Variants in GASK1A observed in about 807,000 individuals in gnomAD.
GASK1A encodes the protein golgi associated kinase 1A.
In GASK1A, 40 loss-of-function variants were observed where a neutral mutation model predicts 41.2. The observed-to-expected ratio is 0.97, with a 90% confidence interval of 0.75 to 1.27. GASK1A has a LOEUF of 1.27. GASK1A is among the 50% of genes most tolerant of loss of function. The probability of loss-of-function intolerance (pLI) is 0.00; values close to 1 mark genes in which losing one functional copy is unlikely to be tolerated. For missense variants in GASK1A, 678 were observed against 745.1 expected (o/e 0.91, Z 1.05); for synonymous variants, 316 against 307.1 (o/e 1.03, Z -0.30).
At chr3:43,054,102 T>C in intron 3 of GASK1A, 1 of 288,598 alleles carries the variant, frequency 3.5e-6, no homozygotes. Context: ...CTGTCAAAAC[T>C]AGAGTCCAGG....
At chr3:43,009,921 G>A (rs1480818644) in intron 1 of GASK1A, among the ~76,000 whole-genome samples, 1 of 152,246 alleles carries the variant, frequency 6.6e-6, no homozygotes, top group African/African-American at 2.4e-5. Context: ...CTGGGGGGCA[G>A]GGGCCAAGCC....
At chr3:43,023,359 A>T (rs2089531025) in intron 1 of GASK1A, among the ~76,000 whole-genome samples, 1 of 152,180 alleles carries the variant, frequency 6.6e-6, no homozygotes. Flanking sequence ...GGTGAAACTG[A>T]TGTGGAACTT....
intron 2 of GASK1A, among the ~76,000 whole-genome samples, chr3:43,048,756 C>G (rs1156478139): frequency 2.0e-5 from 3 of 152,120 alleles, no homozygotes; most frequent in Non-Finnish European, 2.9e-5. Flanking sequence ...CTGTTATGGG[C>G]AAGAGTACCT....
intron 2 of GASK1A, among the ~76,000 whole-genome samples, chr3:43,034,948 A>G (rs1218838995): frequency 6.6e-6 from 1 of 152,108 alleles, no homozygotes; most frequent in Non-Finnish European, 1.5e-5. Flanking sequence ...CTGCCTGCAG[A>G]TAAGTCTGTT....
intron 1 of GASK1A, among the ~76,000 whole-genome samples, chr3:43,021,428 GCTT>G (rs1026390084): frequency 1.3e-5 from 2 of 152,238 alleles, no homozygotes; most frequent in African/African-American, 4.8e-5. Flanking sequence ...CAATGAAAGA[GCTT>G]CTCTTTCTGT....
At chr3:42,994,232 C>G (rs1346034615) in intron 1 of GASK1A, among the ~76,000 whole-genome samples, 1 of 152,018 alleles carries the variant, frequency 6.6e-6, no homozygotes, top group Non-Finnish European at 1.5e-5. Context: ...TCAGGGGCAT[C>G]TTGTATAGAT....
At chr3:43,037,138 AG>A (rs1198744927) in intron 2 of GASK1A, 1 of 937,112 alleles carries the variant, frequency 1.1e-6, no homozygotes, top group Non-Finnish European at 1.7e-6. Flanking sequence ...GCAGCGATTC[AG>A]GGCAGACCTC....
chr3:43,055,586 C>A, intron 4 of GASK1A, 51 bp downstream of exon 4: 1 of 1,330,178 alleles, frequency 7.5e-7, no homozygotes, highest in Non-Finnish European at 1.1e-6. Context: ...GACCTGATGG[C>A]CTTGCTGCAA....
chr3:43,049,573 C>G (rs1168742405), intron 2 of GASK1A, among the ~76,000 whole-genome samples: 1 of 150,512 alleles, frequency 6.6e-6, no homozygotes, highest in Non-Finnish European at 1.5e-5. Flanking sequence ...ATCTTCTGGG[C>G]TTTGTGCATT....
At chr3:43,015,928 G>A (rs990781353) in intron 1 of GASK1A, among the ~76,000 whole-genome samples, 3 of 152,032 alleles carry the variant, frequency 2.0e-5, no homozygotes, top group Admixed American at 6.5e-5. Flanking sequence ...CAAAGGAAGG[G>A]GCAGTGTAAA....
chr3:43,024,756 A>G (rs1356192746), intron 1 of GASK1A, among the ~76,000 whole-genome samples: 1 of 152,214 alleles, frequency 6.6e-6, no homozygotes, highest in Non-Finnish European at 1.5e-5. Flanking sequence ...GCACTGTGAT[A>G]GTCTGGAGAT....
At chr3:43,030,753 G>T (rs969227271) in intron 1 of GASK1A, among the ~76,000 whole-genome samples, 1 of 152,204 alleles carries the variant, frequency 6.6e-6, no homozygotes, top group African/African-American at 2.4e-5. Flanking sequence ...GGCCCAGCAT[G>T]GGTCAGGATC....
At position 43,019,760 on chromosome 3, in the gene GASK1A, AC is replaced by A. The variant is rs1347349148; in HGVS notation, c.4-12506del. On this transcript the variant is annotated intron_variant, in intron 1 of 4. Transcript: ENST00000430121. ...GTTAGACCCAAATTCCGTTTTTAAC[AC>A]ACACACACACACACACACACACACA... 1.6e-4 allele frequency among the ~76,000 whole-genome samples: 14 copies of A among 90,192 alleles called. 1 individual carries two copies. Among genetic ancestry groups the A allele is most frequent in the Non-Finnish European group, 3.6e-4 (14 of 39,348 alleles). The allele number at this position is 90,192 out of a possible 152,430, so 59.2% of individuals were successfully genotyped here.
chr3:43,044,030 G>A (rs928193462), intron 2 of GASK1A, among the ~76,000 whole-genome samples: 1 of 150,210 alleles, frequency 6.7e-6, no homozygotes, highest in Non-Finnish European at 1.5e-5. Flanking sequence ...AGCACTGCAC[G>A]CATCATATGG....
chr3:43,027,334 G>A (rs1366016402), intron 1 of GASK1A, among the ~76,000 whole-genome samples: 1 of 152,190 alleles, frequency 6.6e-6, no homozygotes, highest in Non-Finnish European at 1.5e-5. Flanking sequence ...GAATGTATAC[G>A]CTTCCTATTG....
chr3:43,041,601 C>T (rs962975012), intron 2 of GASK1A, among the ~76,000 whole-genome samples: 39 of 152,190 alleles, frequency 2.6e-4, no homozygotes, highest in African/African-American at 9.2e-4. Flanking sequence ...AAGGCTATTT[C>T]TTCTGCATAT....
At chr3:43,021,780 A>C (rs1042156213) in intron 1 of GASK1A, among the ~76,000 whole-genome samples, 5 of 152,208 alleles carry the variant, frequency 3.3e-5, no homozygotes, top group African/African-American at 1.2e-4. Flanking sequence ...AGGTGTCTTC[A>C]ACAAAACCTG....
intron 1 of GASK1A, among the ~76,000 whole-genome samples, chr3:43,019,750 C>T (rs1034248268): frequency 4.3e-5 from 6 of 139,696 alleles, no homozygotes; most frequent in Admixed American, 7.1e-5. Flanking sequence ...ACCCAAATTC[C>T]GTTTTTAACA....
chr3:43,021,107 C>G (rs972125537), intron 1 of GASK1A, among the ~76,000 whole-genome samples: 1 of 152,088 alleles, frequency 6.6e-6, no homozygotes, highest in African/African-American at 2.4e-5. Flanking sequence ...GGTTCCTGTC[C>G]CCTGCCCCGC....
Sources: allele counts gnomAD v4.1 joint callset (sites outside exome capture counted in the v4.1 genomes callset), GRCh38; gene constraint gnomAD v4.1.1; transcripts MANE v1.5; gene names NCBI Gene and HGNC (gene_info 2026-07-23, HGNC 2026-07-21).